RAD23A: variants seen among roughly 807,000 people sequenced by gnomAD.
RAD23A encodes lysine-specific demethylase RAD23A.
Under a neutral mutation model 44.8 loss-of-function variants are expected in RAD23A, and 16 were observed. That is an observed-to-expected ratio of 0.36 (90% CI 0.24 to 0.54). The LOEUF (loss-of-function observed/expected upper bound fraction) is 0.54, where lower values mean the gene tolerates loss of function less well. Ranked by LOEUF, RAD23A falls within the 20% of genes least tolerant of loss-of-function variation. RAD23A has a pLI of 0.89. For missense variants in RAD23A, 380 were observed against 483.3 expected (o/e 0.79, Z 2.00); for synonymous variants, 217 against 202.9 (o/e 1.07, Z -0.59).
At position 12,953,304 on chromosome 19, in the gene RAD23A, C is replaced by T. The variant is rs567530769; in HGVS notation, c.*255C>T. The T allele has an allele frequency of 6.3e-5, 20 of 316,996 alleles. No individual in the cohort carries two copies. The highest frequency in any genetic ancestry group is 9.0e-5 in the Non-Finnish European group (16 of 178,208). 19.6% of individuals were successfully genotyped at this position (316,996 alleles called of 1,614,324 possible). A position where few individuals can be genotyped will look rare whatever the true frequency, so the allele number is the denominator to read the frequency against. ...CAGAGAAGCTGGCAGGACTGGGAGG[C>T]GACAGATGGGCCCCTCTTGGCCTCT... On this transcript the variant is annotated 3_prime_UTR_variant, in exon 9 of 9. Coordinates refer to ENST00000586534, the MANE Select transcript of RAD23A (RefSeq NM_005053.4).
chr19:12,952,081 AC>A (rs1971827617), intron 7 of RAD23A, among the ~76,000 whole-genome samples: 2 of 152,050 alleles, frequency 1.3e-5, no homozygotes, highest in South Asian at 4.1e-4. Flanking sequence ...GTGCCATCAC[AC>A]CCAGCTAATT....
chr19:12,948,594 A>C lies in RAD23A; in HGVS notation c.472+42A>C. The C allele has an allele frequency of 6.4e-7, 1 of 1,574,576 alleles. No homozygotes were observed. Among genetic ancestry groups the C allele is most frequent in the South Asian group, 1.2e-5 (1 of 86,256 alleles). The stretch of plus-strand genomic sequence containing the variant: ...CAGGGCAGAGGTGACTGGGTGCCCC[A>C]GCCATCAGCTGGGCCTTGTCTGGGT... On this transcript the variant is annotated intron_variant, in intron 4 of 8. Coordinates refer to ENST00000586534, the MANE Select transcript of RAD23A (RefSeq NM_005053.4). This position sits in a 1 kb window ranked among gnomAD's most constrained non-coding sequence, Gnocchi z 5.5.
intron 1 of RAD23A, 33 bp downstream of exon 1, chr19:12,946,053 C>T: frequency 2.5e-6 from 1 of 404,442 alleles, no homozygotes; most frequent in African/African-American, 3.0e-5. Flanking sequence ...GGGGCGGGAG[C>T]GACGGGTTTC....
At position 12,945,890 on chromosome 19, in the gene RAD23A, C is replaced by T; in HGVS notation, c.-59C>T. 5.1e-6 allele frequency: 8 copies of T among 1,557,894 alleles called. No individual in the cohort carries two copies. The highest frequency in any genetic ancestry group is 2.3e-5 in the East Asian group (1 of 43,312). On this transcript the variant is annotated 5_prime_UTR_variant, in exon 1 of 9. Coordinates refer to ENST00000586534, the MANE Select transcript of RAD23A (RefSeq NM_005053.4). ...GCGCGCCTGGGCGCTAAGATGGCGG[C>T]GGCGTGAGTTGCATGTTGTGTGAGG...
rs781708858 is a variant in RAD23A at position 12,948,858 on chromosome 19, C to G, written c.600+45C>G. 13 of 1,568,364 alleles carry G rather than the reference C, an allele frequency of 8.3e-6. No individual in the cohort carries two copies. Among genetic ancestry groups the G allele is most frequent in the Admixed American group, 1.9e-5 (1 of 52,840 alleles). Reference sequence around the variant, plus strand: ...TCCCGGGGAGGCCTTGAGGGAGTACCCGGGCGTCACTGCCCTGATGGGCGG... The same window carrying G: ...TCCCGGGGAGGCCTTGAGGGAGTACGCGGGCGTCACTGCCCTGATGGGCGG... On this transcript the variant is annotated intron_variant, in intron 5 of 8. Coordinates refer to ENST00000586534, the MANE Select transcript of RAD23A (RefSeq NM_005053.4). This position sits in a 1 kb window ranked among gnomAD's most constrained non-coding sequence, Gnocchi z 5.5.
intron 7 of RAD23A, among the ~76,000 whole-genome samples, chr19:12,950,201 C>T (rs1029112195): frequency 6.6e-6 from 1 of 152,126 alleles, no homozygotes; most frequent in Non-Finnish European, 1.5e-5. Flanking sequence ...CCCCAGTCCT[C>T]CCCGATCTCT....
At chr19:12,952,632 G>T in intron 7 of RAD23A, 57 bp from the exon 8 acceptor site, 1 of 1,527,740 alleles carries the variant, frequency 6.5e-7, no homozygotes, top group East Asian at 2.3e-5. Flanking sequence ...TGATGACCTG[G>T]GGAGAGGAGG....
intron 1 of RAD23A, 64 bp downstream of exon 1, chr19:12,946,084 G>GGCC: frequency 9.8e-6 from 5 of 512,138 alleles, no homozygotes; most frequent in East Asian, 5.5e-5. Context: ...TGGGGGCGGG[G>GGCC]AGGCTAGAAT....
chr19:12,946,142 C>T (rs1971666526), intron 1 of RAD23A, 122 bp downstream of exon 1: 2 of 935,056 alleles, frequency 2.1e-6, no homozygotes, highest in African/African-American at 1.8e-5. Flanking sequence ...CCTGCCCAGA[C>T]CCCCGACCTG....
chr19:12,948,907 A>C lies in RAD23A; in HGVS notation c.600+94A>C. On this transcript the variant is annotated intron_variant, in intron 5 of 8. Transcript: ENST00000586534. The surrounding 1 kb of genome is among the most constrained non-coding windows in gnomAD (Gnocchi z 5.5). ...GGTTGGGAAGGCAAAACCTGCCCTG[A>C]AAAGCCTTTGGGTAGTGATTCTAGC... 6.5e-7 allele frequency: 1 copy of C among 1,548,290 alleles called. No homozygotes were observed. Among genetic ancestry groups the C allele is most frequent in the Non-Finnish European group, 8.7e-7 (1 of 1,145,272 alleles).
Position 12,945,864 on chromosome 19 carries a change from G to A in RAD23A, c.-85G>A, listed in dbSNP as rs566500734. ...CCCGGAAGTGGTCGGCGCGCGGCGC[G>A]GCGCGCCTGGGCGCTAAGATGGCGG... On this transcript the variant is annotated 5_prime_UTR_variant, in exon 1 of 9. Coordinates refer to ENST00000586534, the MANE Select transcript of RAD23A (RefSeq NM_005053.4). 1.1e-5 allele frequency: 16 copies of A among 1,452,122 alleles called. No homozygotes were observed. Among genetic ancestry groups the A allele is most frequent in the Admixed American group, 1.8e-5 (1 of 55,388 alleles). 90.0% of individuals were successfully genotyped at this position (1,452,122 alleles called of 1,614,324 possible).
chr19:12,949,282 G>C lies in RAD23A; in HGVS notation c.687G>C (p.Glu229Asp), dbSNP rs1366709657. 1.9e-6 allele frequency: 3 copies of C among 1,613,994 alleles called. No homozygotes were observed. Among genetic ancestry groups the C allele is most frequent in the Non-Finnish European group, 2.5e-6 (3 of 1,179,970 alleles). ...ACCCCTTCCTACTACCAGCAGGAGAGAACCCCCTGGAGTTCCTGCGGGACC... is the reference window on the plus strand; with the variant it reads ...ACCCCTTCCTACTACCAGCAGGAGACAACCCCCTGGAGTTCCTGCGGGACC... ...SEQPATEAAG[E>D]NPLEFLRDQP... Residue 229 changes from glutamate (E) to aspartate (D), a missense_variant, in exon 7 of 9, where the codon GAG (glutamate) becomes GAC (aspartate). By Grantham distance (45) the Glu-to-Asp change is conservative. Coordinates refer to ENST00000586534, the MANE Select transcript of RAD23A (RefSeq NM_005053.4).
intron 7 of RAD23A, among the ~76,000 whole-genome samples, chr19:12,951,632 G>A (rs1451304821): frequency 6.6e-6 from 1 of 152,120 alleles, no homozygotes; most frequent in East Asian, 1.9e-4. Flanking sequence ...TTTTAGTAGA[G>A]ATGGGATTTC....
Position 12,952,950 on chromosome 19 carries a change from C to T in RAD23A, c.993C>T (p.Gly331=), listed in dbSNP as rs1485917560. 3.1e-6 allele frequency: 5 copies of T among 1,613,946 alleles called. No homozygotes were observed. Among genetic ancestry groups the T allele is most frequent in the Non-Finnish European group, 4.2e-6 (5 of 1,179,986 alleles). ...KEAIERLKAL[G]FPESLVIQAY... ...TCTTCCCACAGTTGAAGGCCCTGGG[C>T]TTCCCAGAGAGCCTGGTCATCCAGG... Residue 331 remains glycine, a synonymous_variant, in exon 9 of 9, where the codon GGC becomes GGT. Coordinates refer to ENST00000586534, the MANE Select transcript of RAD23A (RefSeq NM_005053.4).
rs45628632 is a variant in RAD23A at position 12,945,920 on chromosome 19, C to T, written c.-29C>T. 1.9e-3 allele frequency: 3,117 copies of T among 1,605,806 alleles called. 56 individuals are homozygous for T. In the African/African-American group the frequency reaches 0.038, roughly 20 times the overall value. ...TGAGTTGCATGTTGTGTGAGGATCC[C>T]GGGGCCGCCGCGTCGCTCGGGCCCC... On this transcript the variant is annotated 5_prime_UTR_variant, in exon 1 of 9. Coordinates refer to ENST00000586534, the MANE Select transcript of RAD23A (RefSeq NM_005053.4).
chr19:12,952,891 G>A (rs1971854755), intron 8 of RAD23A, 38 bp downstream of exon 8: 9 of 1,606,744 alleles, frequency 5.6e-6, no homozygotes, highest in African/African-American at 1.3e-5. Context: ...CAGGTGGGCA[G>A]GACCCCTACC....
rs748003051 is a variant in RAD23A, at chr19:12,949,318, C to T, written c.723C>T (p.Phe241=). Residue 241 remains phenylalanine (F), a synonymous_variant, in exon 7 of 9, where the codon TTC becomes TTT. Coordinates refer to ENST00000586534, the MANE Select transcript of RAD23A (RefSeq NM_005053.4). ...AGTTCCTGCGGGACCAGCCCCAGTT[C>T]CAGAACATGCGGCAGGTGATTCAGC... is the stretch of plus-strand genomic sequence containing the variant. ...PLEFLRDQPQ[F]QNMRQVIQQN... 11 of 1,614,000 alleles carry T rather than the reference C, an allele frequency of 6.8e-6. No homozygotes were observed. The highest frequency in any genetic ancestry group is 4.5e-5 in the East Asian group (2 of 44,880).
In RAD23A at chr19:12,948,479, T is replaced by C; in HGVS notation, c.417-18T>C. 1 of 1,570,810 alleles carries C rather than the reference T, an allele frequency of 6.4e-7. No homozygotes were observed. Among genetic ancestry groups the C allele is most frequent in the Non-Finnish European group, 8.6e-7 (1 of 1,159,364 alleles). On this transcript the variant is annotated intron_variant, in intron 3 of 8. Transcript: ENST00000586534. This position sits in a 1 kb window ranked among gnomAD's most constrained non-coding sequence, Gnocchi z 5.5. ...CCGCCAGAAGCCAGGGTCCGATTTCTCTCTCTTGAATTTGCAGCTCTGTTC... is the reference window on the plus strand; with the variant it reads ...CCGCCAGAAGCCAGGGTCCGATTTCCCTCTCTTGAATTTGCAGCTCTGTTC...
chr19:12,952,166 A>G (rs560244770), intron 7 of RAD23A, among the ~76,000 whole-genome samples: 2 of 151,666 alleles, frequency 1.3e-5, no homozygotes, highest in East Asian at 3.9e-4. Flanking sequence ...GTCTAGAATC[A>G]CCTGAAGTGA....
Sources: allele counts gnomAD v4.1 joint callset (sites outside exome capture counted in the v4.1 genomes callset), GRCh38; gene constraint gnomAD v4.1.1; non-coding constraint Gnocchi (gnomAD v3.1); transcripts MANE v1.5; gene names NCBI Gene and HGNC (gene_info 2026-07-23, HGNC 2026-07-21).